Variants in LEPR observed in about 807,000 individuals in gnomAD.
LEPR encodes the protein OB receptor.
Under a neutral mutation model 114.7 loss-of-function variants are expected in LEPR, and 56 were observed. The observed-to-expected ratio is 0.49, with a 90% confidence interval of 0.39 to 0.61. LEPR has a LOEUF of 0.61. LEPR is among the 20% of genes least tolerant of loss of function. LEPR has a pLI of 0.00. For missense variants in LEPR, 1,202 were observed against 1,352.9 expected, an observed-to-expected ratio of 0.89 and a Z score of 1.75; for synonymous variants, 443 against 461.4, an observed-to-expected ratio of 0.96 and a Z score of 0.51.
chr1:65,432,586 C>T (rs554831303), intron 2 of LEPR: 355 of 974,548 alleles, frequency 3.6e-4, no homozygotes, highest in Non-Finnish European at 4.1e-4. Flanking sequence ...AAAAAAGTCT[C>T]ACCTGCTTTC....
In LEPR at chr1:65,572,330, A is replaced by C. The variant is rs1654259376; in HGVS notation, c.375A>C (p.Ala125=). ...VNSLVFQQID[A]NWNIQCWLKG... is the part of the protein sequence containing the mutation. ...TTTTTTTTTTTTTAAATTCAGATGC[A>C]AACTGGAACATACAGTGCTGGCTAA... The change falls in exon 5 of 20, where the codon GCA becomes GCC. Residue 125 remains alanine, a synonymous_variant. Transcript: ENST00000349533. 1.6e-5 allele frequency: 24 copies of C among 1,495,166 alleles called. No individual in the cohort carries two copies. In the East Asian group the frequency reaches 5.4e-4, roughly 33 times the overall value. The allele number at this position is 1,495,166 out of a possible 1,614,324, so 92.6% of individuals were successfully genotyped here. A position where few individuals can be genotyped will look rare whatever the true frequency, so the allele number is the denominator to read the frequency against.
chr1:65,584,008 A>C (rs11208678), intron 5 of LEPR, among the ~76,000 whole-genome samples: 46,572 of 152,040 alleles, frequency 0.31, 8,019 homozygotes, highest in East Asian at 0.83. Context: ...TTATTCAATA[A>C]AATAGTATTT....
intron 14 of LEPR, among the ~76,000 whole-genome samples, chr1:65,615,456 C>T (rs1297741420): frequency 1.3e-5 from 2 of 151,962 alleles, no homozygotes; most frequent in Non-Finnish European, 2.9e-5. Flanking sequence ...TTTTGATGGC[C>T]TCTGTTACTC....
intron 2 of LEPR, among the ~76,000 whole-genome samples, chr1:65,558,238 TC>T (rs1441268297): frequency 6.6e-6 from 1 of 152,184 alleles, no homozygotes; most frequent in African/African-American, 2.4e-5. Flanking sequence ...TCATGAGGGT[TC>T]CAAACAGTGT....
In LEPR at chr1:65,616,244, G is replaced by A. The variant is rs2100992637; in HGVS notation, c.2212+20G>A. 6.2e-7 allele frequency: 1 copy of A among 1,608,184 alleles called. No homozygotes were observed. The highest frequency in any genetic ancestry group is 1.3e-5 in the African/African-American group (1 of 74,934). ...GCAAAGGTAAGAAGAGGTACAGAGT[G>A]GTAATCCATTGCCTCTTTTAATATT... is the stretch of plus-strand genomic sequence containing the variant. On this transcript the variant is annotated intron_variant, in intron 15 of 19. Transcript: ENST00000349533.
intron 2 of LEPR, among the ~76,000 whole-genome samples, chr1:65,541,125 A>G (rs529718715): frequency 6.7e-4 from 102 of 152,276 alleles, no homozygotes; most frequent in African/African-American, 2.4e-3. Context: ...GCCTAGTCCC[A>G]GTTTACCATC....
intron 5 of LEPR, among the ~76,000 whole-genome samples, chr1:65,573,221 G>T (rs751281758): frequency 6.6e-6 from 1 of 152,152 alleles, no homozygotes. Context: ...ATATGCCTGC[G>T]CACTACTCGC....
intron 2 of LEPR, among the ~76,000 whole-genome samples, chr1:65,474,992 G>A (rs1173770878): frequency 7.8e-6 from 1 of 127,810 alleles, no homozygotes; most frequent in Non-Finnish European, 1.6e-5. Context: ...GGGCGACAGT[G>A]CGAGACTCCA....
intron 5 of LEPR, among the ~76,000 whole-genome samples, chr1:65,583,255 A>G: frequency 6.6e-6 from 1 of 152,192 alleles, no homozygotes; most frequent in East Asian, 1.9e-4. Flanking sequence ...TTCATGGGGC[A>G]GAGTACTTTG....
intron 5 of LEPR, among the ~76,000 whole-genome samples, chr1:65,574,667 T>C (rs1468353497): frequency 6.6e-6 from 1 of 152,248 alleles, no homozygotes; most frequent in Non-Finnish European, 1.5e-5. Context: ...TTACACAATG[T>C]TTAAAAATTA....
chr1:65,617,677 A>G (rs940004198), intron 15 of LEPR, among the ~76,000 whole-genome samples: 1 of 152,234 alleles, frequency 6.6e-6, no homozygotes, highest in African/African-American at 2.4e-5. Context: ...GATGGTTAAT[A>G]GGCTTGTGCA....
chr1:65,543,235 A>G (rs1481807176), intron 2 of LEPR, among the ~76,000 whole-genome samples: 3 of 151,530 alleles, frequency 2.0e-5, no homozygotes, highest in African/African-American at 4.9e-5. Flanking sequence ...TTTTTTTCAT[A>G]TGTTTGTTGG....
chr1:65,503,073 A>G (rs1307808433), intron 2 of LEPR, among the ~76,000 whole-genome samples: 1 of 152,116 alleles, frequency 6.6e-6, no homozygotes, highest in Non-Finnish European at 1.5e-5. Flanking sequence ...ACACTGTATG[A>G]TTTCATTATT....
At chr1:65,635,524 A>G (rs978949952) in intron 19 of LEPR, 1 of 274,724 alleles carries the variant, frequency 3.6e-6, no homozygotes. Context: ...GTTTGTGATC[A>G]TCTCTTTCAT....
intron 2 of LEPR, among the ~76,000 whole-genome samples, 182 bp from the exon 3 acceptor site, chr1:65,565,364 G>A (rs537240007): frequency 5.3e-4 from 80 of 152,260 alleles, no homozygotes; most frequent in Non-Finnish European, 8.4e-4. Context: ...GATAGGATGC[G>A]TACAGGAATA....
At position 65,540,482 on chromosome 1, in the gene LEPR, T is replaced by A. The variant is rs549837496; in HGVS notation, c.-20-25064T>A. Among the ~76,000 whole-genome samples, 3 of 152,198 alleles carry A rather than the reference T, an allele frequency of 2.0e-5. No individual in the cohort carries two copies. In the East Asian group the frequency reaches 5.8e-4, roughly 29 times the overall value. On this transcript the variant is annotated intron_variant, in intron 2 of 19. Coordinates refer to ENST00000349533, the MANE Select transcript of LEPR (RefSeq NM_002303.6). The stretch of plus-strand genomic sequence containing the variant: ...CTGGTTGTTAAAGGAGCCTGGCATC[T>A]TCTTCCACCCTCTCTTGCTCCCCCT...
At chr1:65,449,260 CTTTT>C (rs201429452) in intron 2 of LEPR, among the ~76,000 whole-genome samples, 4 of 118,544 alleles carry the variant, frequency 3.4e-5, no homozygotes, top group Admixed American at 1.7e-4. Context: ...TTTTATTTAT[CTTTT>C]TTTTTTTTTT....
intron 6 of LEPR, among the ~76,000 whole-genome samples, chr1:65,595,193 G>T (rs2100908301): frequency 6.6e-6 from 1 of 152,106 alleles, no homozygotes; most frequent in Non-Finnish European, 1.5e-5. Flanking sequence ...TTAGCTCATT[G>T]GTGGAGACAG....
chr1:65,465,954 A>G (rs1034383222), intron 2 of LEPR, among the ~76,000 whole-genome samples: 4 of 152,154 alleles, frequency 2.6e-5, no homozygotes, highest in African/African-American at 9.7e-5. Flanking sequence ...AATACAGCAC[A>G]CTGATGGGTC....
Sources: gnomAD v4.1 joint callset for allele counts (sites outside exome capture counted in the v4.1 genomes callset) on GRCh38, gnomAD v4.1.1 for gene constraint, MANE v1.5 for transcripts, NCBI Gene and HGNC (gene_info 2026-07-23, HGNC 2026-07-21) for gene names.